Variants in NECAB1 observed in about 807,000 individuals in gnomAD.
The protein encoded by NECAB1 is N-terminal EF-hand calcium binding protein 1.
A neutral mutation model predicts 57.5 loss-of-function variants in NECAB1; 29 were observed. The ratio of observed to expected loss-of-function variants is 0.50; its 90% CI spans 0.38 to 0.69. The LOEUF (loss-of-function observed/expected upper bound fraction) is 0.69. Ranked by LOEUF, NECAB1 falls within the 30% of genes least tolerant of loss-of-function variation. The pLI is 0.00. For synonymous variants in NECAB1, 142 were observed against 147.7 expected, an observed-to-expected ratio of 0.96 and a Z score of 0.28; for missense variants, 372 against 413.8, an observed-to-expected ratio of 0.90 and a Z score of 0.88.
At chr8:90,793,102 A>G (rs1811602380) in intron 1 of NECAB1, among the ~76,000 whole-genome samples, 1 of 152,166 alleles carries the variant, frequency 6.6e-6, no homozygotes. Flanking sequence ...CAGAAGCCAG[A>G]TACATTTGTT....
rs754095120 is a variant in NECAB1, at chr8:90,958,209, G to A, written c.*2697G>A. On this transcript the variant is annotated 3_prime_UTR_variant, in exon 13 of 13. Coordinates refer to ENST00000417640, the MANE Select transcript of NECAB1 (RefSeq NM_022351.5). Reference sequence around the variant, plus strand: ...GTTCATCCATATATAAGAAATTATCGAATTAAAACTTAATGTATGTCAATT... The same window carrying A: ...GTTCATCCATATATAAGAAATTATCAAATTAAAACTTAATGTATGTCAATT... The A allele has an allele frequency of 6.0e-5, 9 of 150,334 alleles. No individual in the cohort carries two copies. Among genetic ancestry groups the A allele is most frequent in the South Asian group, 2.1e-4 (1 of 4,796 alleles). The allele number at this position is 150,334 out of a possible 1,614,324, so 9.3% of individuals were successfully genotyped here.
chr8:90,873,123 CAA>C (rs1808649253), intron 4 of NECAB1, among the ~76,000 whole-genome samples: 1 of 152,094 alleles, frequency 6.6e-6, no homozygotes, highest in South Asian at 2.1e-4. Context: ...AATAACTGAA[CAA>C]AATGAGCATA....
At chr8:90,902,335 G>A (rs757125836) in intron 5 of NECAB1, among the ~76,000 whole-genome samples, 46 of 152,236 alleles carry the variant, frequency 3.0e-4, no homozygotes, top group Non-Finnish European at 5.9e-4. Context: ...TAGGAGAATC[G>A]CTTGAACCCA....
intron 2 of NECAB1, among the ~76,000 whole-genome samples, chr8:90,809,209 C>A (rs1223070862): frequency 1.3e-5 from 2 of 152,208 alleles, no homozygotes; most frequent in African/African-American, 2.4e-5. Flanking sequence ...AGATGTGTCT[C>A]CATCTCAGGA....
At chr8:90,796,092 A>C (rs1340729683) in intron 1 of NECAB1, among the ~76,000 whole-genome samples, 2 of 152,204 alleles carry the variant, frequency 1.3e-5, no homozygotes, top group African/African-American at 2.4e-5. Flanking sequence ...TGAGAAGATG[A>C]AAATATGTGC....
intron 5 of NECAB1, among the ~76,000 whole-genome samples, chr8:90,892,999 C>G (rs777744425): frequency 6.6e-6 from 1 of 152,160 alleles, no homozygotes; most frequent in Non-Finnish European, 1.5e-5. Flanking sequence ...CAGCTATGCT[C>G]AGCCATTTGC....
intron 5 of NECAB1, among the ~76,000 whole-genome samples, chr8:90,896,784 T>C (rs1036168305): frequency 2.0e-5 from 3 of 152,168 alleles, no homozygotes; most frequent in Non-Finnish European, 4.4e-5. Flanking sequence ...TCCGATTACC[T>C]ACTCCACTCT....
chr8:90,886,959 ATATATT>A (rs1314616704), intron 5 of NECAB1, among the ~76,000 whole-genome samples: 1 of 152,060 alleles, frequency 6.6e-6, no homozygotes, highest in Non-Finnish European at 1.5e-5. Flanking sequence ...ATCAGGTCAT[ATATATT>A]TTATATTTTT....
intron 5 of NECAB1, among the ~76,000 whole-genome samples, chr8:90,891,455 G>A (rs548169951): frequency 4.0e-5 from 6 of 151,818 alleles, no homozygotes; most frequent in South Asian, 4.2e-4. Flanking sequence ...GCCATTTTGT[G>A]TATATTTTTA....
In NECAB1 at chr8:90,889,768, G is replaced by A. The variant is rs574325955; in HGVS notation, c.357+8638G>A. 2.2e-4 allele frequency among the ~76,000 whole-genome samples: 34 copies of A among 152,328 alleles called. No homozygotes were observed. In the South Asian group the frequency reaches 4.3e-3, roughly 19 times the overall value. On this transcript the variant is annotated intron_variant, in intron 5 of 12. Transcript: ENST00000417640. Reference sequence around the variant, plus strand: ...TGATTGTAAAGAGAGAGATGGGCTGGGCGTGGTGGCTCACGCCTGTAATCC... The same window carrying A: ...TGATTGTAAAGAGAGAGATGGGCTGAGCGTGGTGGCTCACGCCTGTAATCC...
intron 3 of NECAB1, among the ~76,000 whole-genome samples, chr8:90,841,134 C>G (rs1320512177): frequency 6.6e-6 from 1 of 151,854 alleles, no homozygotes; most frequent in Non-Finnish European, 1.5e-5. Flanking sequence ...GTGGCAGGCG[C>G]CTGTAGTCCC....
chr8:90,950,054 T>G (rs1810893801), intron 11 of NECAB1, among the ~76,000 whole-genome samples, 170 bp downstream of exon 11: 1 of 152,172 alleles, frequency 6.6e-6, no homozygotes, highest in African/African-American at 2.4e-5. Flanking sequence ...ATTTAATAGC[T>G]TAGAAACCAC....
chr8:90,862,829 C>G (rs1340415634), intron 3 of NECAB1, among the ~76,000 whole-genome samples: 1 of 152,134 alleles, frequency 6.6e-6, no homozygotes, highest in East Asian at 1.9e-4. Context: ...CCATCTCCAA[C>G]TCACATACAA....
intron 3 of NECAB1, among the ~76,000 whole-genome samples, chr8:90,840,435 A>C (rs1812435933): frequency 6.6e-6 from 1 of 152,232 alleles, no homozygotes; most frequent in East Asian, 1.9e-4. Flanking sequence ...GCACTAAGGC[A>C]AGCCACTCTG....
intron 6 of NECAB1, among the ~76,000 whole-genome samples, chr8:90,920,840 C>T (rs1810090129): frequency 6.6e-6 from 1 of 152,128 alleles, no homozygotes. Flanking sequence ...CTACTTACTA[C>T]AACTGCATGG....
At chr8:90,852,096 T>C (rs1812694719) in intron 3 of NECAB1, among the ~76,000 whole-genome samples, 1 of 152,214 alleles carries the variant, frequency 6.6e-6, no homozygotes, top group Admixed American at 6.5e-5. Context: ...TTTGAAGAGA[T>C]GCATCAGTAG....
intron 3 of NECAB1, among the ~76,000 whole-genome samples, chr8:90,851,458 G>A (rs1220571242): frequency 3.3e-5 from 5 of 152,070 alleles, no homozygotes; most frequent in Non-Finnish European, 7.4e-5. Context: ...TAAACTCCCA[G>A]TATTAAGGAT....
chr8:90,852,140 T>C (rs1025007830), intron 3 of NECAB1, among the ~76,000 whole-genome samples: 3 of 152,200 alleles, frequency 2.0e-5, no homozygotes, highest in Admixed American at 1.3e-4. Context: ...TGCTCACTCA[T>C]TGGGATAAAT....
intron 4 of NECAB1, among the ~76,000 whole-genome samples, chr8:90,873,172 G>A (rs1808650792): frequency 6.6e-6 from 1 of 152,268 alleles, no homozygotes. Context: ...TCCAATGATT[G>A]TAAAAAAACT....
Sources: allele counts gnomAD v4.1 joint callset (sites outside exome capture counted in the v4.1 genomes callset), GRCh38; gene constraint gnomAD v4.1.1; transcripts MANE v1.5; gene names NCBI Gene and HGNC (gene_info 2026-07-23, HGNC 2026-07-21).